Variants in ACYP2 observed in about 807,000 individuals in gnomAD.
ACYP2 encodes acylphosphatase 2, also known as acylphosphatase-2.
Under a neutral mutation model 11.2 loss-of-function variants are expected in ACYP2, and 12 were observed. That is an observed-to-expected ratio of 1.08 (90% CI 0.69 to 1.74). The LOEUF is 1.74. Among genes scored for constraint, ACYP2 ranks in the 40% most tolerant of loss-of-function variants. The pLI, the probability that ACYP2 is intolerant of heterozygous loss-of-function variation, is 0.00. For synonymous variants in ACYP2, 43 were observed against 32.2 expected, an observed-to-expected ratio of 1.33 and a Z score of -1.13; for missense variants, 134 against 101.9, an observed-to-expected ratio of 1.31 and a Z score of -1.35.
At chr2:54,256,025 G>A (rs747826894) in intron 6 of ACYP2, 13 of 1,614,108 alleles carry the variant, frequency 8.1e-6, no homozygotes, top group Admixed American at 1.7e-5. Flanking sequence ...GGCTCCAAGC[G>A]GCCATCAAAC....
intron 4 of ACYP2, among the ~76,000 whole-genome samples, chr2:54,134,666 A>G (rs1318481590): frequency 3.3e-5 from 5 of 152,246 alleles, no homozygotes; most frequent in African/African-American, 9.6e-5. Flanking sequence ...AAAAGAAACT[A>G]ATTTTCAAAA....
At position 54,116,740 on chromosome 2, in the gene ACYP2, C is replaced by T. The variant is rs185680968; in HGVS notation, c.278-18713C>T. On this transcript the variant is annotated intron_variant, in intron 4 of 6. Transcript: ENST00000607452. ...CGACTCGCGGATGAAGCAATGGCAA[C>T]GGCACACCTGAACAGGGGAGGGGAA... is the stretch of plus-strand genomic sequence containing the variant. 1.4e-4 allele frequency among the ~76,000 whole-genome samples: 21 copies of T among 152,204 alleles called. No homozygotes were observed. The East Asian group carries it at 1.5e-3, about 11-fold the overall frequency.
At chr2:54,212,806 T>G (rs1189393144) in intron 6 of ACYP2, among the ~76,000 whole-genome samples, 1 of 147,718 alleles carries the variant, frequency 6.8e-6, no homozygotes, top group Non-Finnish European at 1.5e-5. Flanking sequence ...TATATTCTTG[T>G]ACAAAAATAT....
chr2:53,994,605 A>G (rs1387055680), intron 2 of ACYP2, among the ~76,000 whole-genome samples: 1 of 152,040 alleles, frequency 6.6e-6, no homozygotes, highest in Non-Finnish European at 1.5e-5. Flanking sequence ...ATATCGTGGA[A>G]ATGCTTCAAC....
At chr2:54,009,240 A>C (rs960486791) in intron 2 of ACYP2, among the ~76,000 whole-genome samples, 7 of 152,080 alleles carry the variant, frequency 4.6e-5, no homozygotes, top group African/African-American at 1.7e-4. Context: ...GAATGAAATA[A>C]GGAGCCAAAC....
chr2:54,064,977 G>A (rs928360776), intron 4 of ACYP2, among the ~76,000 whole-genome samples: 9 of 152,016 alleles, frequency 5.9e-5, no homozygotes, highest in Non-Finnish European at 1.0e-4. Flanking sequence ...CCAGGTACTC[G>A]GGAGGCTGAG....
intron 2 of ACYP2, among the ~76,000 whole-genome samples, chr2:53,998,062 G>C (rs1672654535): frequency 6.6e-6 from 1 of 152,186 alleles, no homozygotes; most frequent in African/African-American, 2.4e-5. Flanking sequence ...AATAGGATCT[G>C]TCTCTTTTAT....
At chr2:54,194,616 A>G (rs184175854) in intron 6 of ACYP2, among the ~76,000 whole-genome samples, 14 of 152,294 alleles carry the variant, frequency 9.2e-5, no homozygotes, top group African/African-American at 3.1e-4. Flanking sequence ...AATAAGTACC[A>G]TCAACATCAA....
chr2:54,268,325 C>T (rs532984575), intron 6 of ACYP2, among the ~76,000 whole-genome samples: 2 of 152,260 alleles, frequency 1.3e-5, no homozygotes, highest in Admixed American at 6.5e-5. Context: ...TTTTCCTTCT[C>T]GTCATCTTTC....
At chr2:54,193,199 C>G (rs888282889) in intron 6 of ACYP2, among the ~76,000 whole-genome samples, 2 of 152,016 alleles carry the variant, frequency 1.3e-5, no homozygotes, top group Non-Finnish European at 2.9e-5. Flanking sequence ...GACCTCCATT[C>G]CCTGTTTGTC....
chr2:54,219,838 T>TGTGTATGTGTGTATATATATGC (rs1685713135), intron 6 of ACYP2, among the ~76,000 whole-genome samples: 1 of 138,420 alleles, frequency 7.2e-6, no homozygotes, highest in African/African-American at 2.6e-5. Flanking sequence ...TATATATATG[T>TGTGTATGTGTGTATATATATGC]GTATGTGTGT....
At chr2:54,134,355 C>T (rs1271419546) in intron 4 of ACYP2, among the ~76,000 whole-genome samples, 2 of 151,948 alleles carry the variant, frequency 1.3e-5, no homozygotes, top group Non-Finnish European at 2.9e-5. Flanking sequence ...GCTTCAGAAG[C>T]CAAGTTATGG....
intron 6 of ACYP2, among the ~76,000 whole-genome samples, chr2:54,292,890 G>C (rs1005729098): frequency 2.0e-5 from 3 of 152,214 alleles, no homozygotes; most frequent in East Asian, 1.9e-4. Context: ...GCCCAATCTA[G>C]ATTTGTTATT....
At chr2:54,145,654 G>A (rs1006320058) in intron 6 of ACYP2, among the ~76,000 whole-genome samples, 2 of 151,586 alleles carry the variant, frequency 1.3e-5, no homozygotes, top group African/African-American at 2.4e-5. Flanking sequence ...GCAAATTTCC[G>A]GCATTATATT....
chr2:54,115,903 G>T, intron 4 of ACYP2, 147 bp downstream of exon 1: 1 of 1,118,508 alleles, frequency 8.9e-7, no homozygotes. Flanking sequence ...GCGGCGGGGA[G>T]GGAGGCGAAA....
chr2:54,014,925 C>T (rs1673596762), intron 2 of ACYP2, among the ~76,000 whole-genome samples: 1 of 151,996 alleles, frequency 6.6e-6, no homozygotes, highest in African/African-American at 2.4e-5. Context: ...GTATCTGGCC[C>T]CCCATGTTTT....
chr2:54,223,987 C>T (rs1572958136), intron 6 of ACYP2, among the ~76,000 whole-genome samples: 1 of 151,934 alleles, frequency 6.6e-6, no homozygotes, highest in South Asian at 2.1e-4. Context: ...TGAGGCAGAC[C>T]CTGAATGTGA....
At chr2:54,089,280 T>G (rs567989289) in intron 4 of ACYP2, among the ~76,000 whole-genome samples, 1 of 152,284 alleles carries the variant, frequency 6.6e-6, no homozygotes, top group East Asian at 1.9e-4. Context: ...ACTTGCTAAC[T>G]AAGTATTTAT....
intron 6 of ACYP2, among the ~76,000 whole-genome samples, chr2:54,234,718 C>T (rs1480369885): frequency 6.6e-6 from 1 of 152,160 alleles, no homozygotes; most frequent in Non-Finnish European, 1.5e-5. Flanking sequence ...AGATGGTCTG[C>T]CCACTGTGGG....
Sources: allele counts gnomAD v4.1 joint callset (sites outside exome capture counted in the v4.1 genomes callset), GRCh38; gene constraint gnomAD v4.1.1; transcripts MANE v1.5; gene names NCBI Gene and HGNC (gene_info 2026-07-23, HGNC 2026-07-21).